CRPPA: variants seen among roughly 807,000 people sequenced by gnomAD.
CRPPA encodes CDP-L-ribitol pyrophosphorylase A.
CRPPA carries 43 observed loss-of-function variants against 52.0 expected under a neutral mutation model. The observed-to-expected ratio is 0.83, with a 90% CI of 0.65 to 1.07. The LOEUF (loss-of-function observed/expected upper bound fraction) is 1.07. CRPPA is among the 50% of genes least tolerant of loss of function. CRPPA has a pLI of 0.00. For missense variants in CRPPA, 629 were observed against 551.7 expected (o/e 1.14, Z -1.40); for synonymous variants, 250 against 203.5 (o/e 1.23, Z -1.94).
chr7:16,360,121 C>T (rs374075760), intron 3 of CRPPA, among the ~76,000 whole-genome samples: 3 of 152,156 alleles, frequency 2.0e-5, no homozygotes, highest in African/African-American at 7.2e-5. Flanking sequence ...AGACATGATT[C>T]CTACGGAACA....
At chr7:16,210,401 G>C (rs1464235104) in intron 9 of CRPPA, 1 of 152,192 alleles carries the variant, frequency 6.6e-6, no homozygotes, top group Non-Finnish European at 1.5e-5. Context: ...GGCGAACCCA[G>C]TACAGCAAAG....
intron 9 of CRPPA, among the ~76,000 whole-genome samples, chr7:16,137,394 T>A (rs560203274): frequency 5.3e-5 from 8 of 152,318 alleles, no homozygotes; most frequent in Non-Finnish European, 1.0e-4. Flanking sequence ...CCGAAAAGAC[T>A]AAGACACCTC....
At chr7:16,180,954 T>C (rs1042290140) in intron 9 of CRPPA, among the ~76,000 whole-genome samples, 1 of 151,956 alleles carries the variant, frequency 6.6e-6, no homozygotes, top group African/African-American at 2.4e-5. Context: ...GAAAATCTGT[T>C]ATGATTGTGT....
chr7:16,222,504 A>T (rs1297022419), intron 8 of CRPPA, among the ~76,000 whole-genome samples: 1 of 152,306 alleles, frequency 6.6e-6, no homozygotes, highest in South Asian at 2.1e-4. Context: ...GCTTACAGTC[A>T]AATACATAAA....
intron 3 of CRPPA, among the ~76,000 whole-genome samples, chr7:16,323,457 T>C (rs188448937): frequency 6.6e-6 from 1 of 152,308 alleles, no homozygotes; most frequent in East Asian, 1.9e-4. Context: ...TGTATGTTTC[T>C]ATTCTTGTAC....
intron 5 of CRPPA, among the ~76,000 whole-genome samples, chr7:16,299,090 G>A (rs550947652): frequency 6.6e-6 from 1 of 152,222 alleles, no homozygotes; most frequent in African/African-American, 2.4e-5. Context: ...ACATCCTACT[G>A]GTTCTGTTTC....
Position 16,301,458 on chromosome 7 carries a change from G to A in CRPPA, c.798C>T (p.Tyr266=). ...EGSPDLWKVT[Y]KRDLYAAESI... ...ATTCAGCCGCATAGAGATCTCGTTT[G>A]TAGGTCACCTAAAGGACAGATAAAC... Residue 266 remains tyrosine (Y), a synonymous_variant, in exon 5 of 10, where the codon TAC becomes TAT. Coordinates refer to ENST00000407010, the MANE Select transcript of CRPPA (RefSeq NM_001101426.4). 1 of 1,612,054 alleles carries A rather than the reference G, an allele frequency of 6.2e-7. No individual in the cohort carries two copies. Among genetic ancestry groups the A allele is most frequent in the Non-Finnish European group, 8.5e-7 (1 of 1,178,638 alleles).
chr7:16,372,538 C>T (rs1463951138), intron 3 of CRPPA, among the ~76,000 whole-genome samples: 1 of 152,182 alleles, frequency 6.6e-6, no homozygotes, highest in East Asian at 1.9e-4. Context: ...ACAAGAAATG[C>T]TAAAATGAGT....
intron 3 of CRPPA, among the ~76,000 whole-genome samples, chr7:16,340,690 A>C (rs1785801864): frequency 6.6e-6 from 1 of 151,960 alleles, no homozygotes; most frequent in Non-Finnish European, 1.5e-5. Flanking sequence ...TTTGGAAGAC[A>C]GTTTTGCAGT....
At chr7:16,344,524 C>T (rs1785956282) in intron 3 of CRPPA, among the ~76,000 whole-genome samples, 1 of 151,264 alleles carries the variant, frequency 6.6e-6, no homozygotes, top group Non-Finnish European at 1.5e-5. Flanking sequence ...TCATGCCAAC[C>T]TGAGCAACAG....
chr7:16,265,868 A>G (rs1331946411), intron 6 of CRPPA, among the ~76,000 whole-genome samples: 2 of 152,210 alleles, frequency 1.3e-5, no homozygotes, highest in African/African-American at 4.8e-5. Context: ...TACAGGCACA[A>G]AAGTTTGCAT....
At chr7:16,187,811 G>A (rs1341557359) in intron 9 of CRPPA, among the ~76,000 whole-genome samples, 2 of 152,014 alleles carry the variant, frequency 1.3e-5, no homozygotes, top group African/African-American at 4.8e-5. Context: ...TGAGATGATG[G>A]GAAGGCAAAT....
chr7:16,236,226 C>T (rs1782946554), intron 8 of CRPPA, among the ~76,000 whole-genome samples: 1 of 151,950 alleles, frequency 6.6e-6, no homozygotes, highest in Admixed American at 6.6e-5. Context: ...ACTATATTCT[C>T]GAAGTGGAAA....
intron 9 of CRPPA, among the ~76,000 whole-genome samples, chr7:16,190,930 T>G (rs1246239796): frequency 1.3e-5 from 2 of 152,128 alleles, no homozygotes; most frequent in Non-Finnish European, 2.9e-5. Context: ...CAGGTTGCCA[T>G]GAATGCCATT....
At chr7:16,369,515 G>A (rs1337368023) in intron 3 of CRPPA, among the ~76,000 whole-genome samples, 2 of 152,250 alleles carry the variant, frequency 1.3e-5, no homozygotes, top group Non-Finnish European at 1.5e-5. Flanking sequence ...CAGGTACTGA[G>A]TATAAAACAG....
chr7:16,304,947 T>C (rs12112957), intron 4 of CRPPA, among the ~76,000 whole-genome samples: 172 of 152,356 alleles, frequency 1.1e-3, no homozygotes, highest in African/African-American at 4.0e-3. Flanking sequence ...GGCCATGCCA[T>C]CTGAGTCCAG....
At chr7:16,243,493 C>T (rs2128407246) in intron 8 of CRPPA, among the ~76,000 whole-genome samples, 1 of 152,094 alleles carries the variant, frequency 6.6e-6, no homozygotes, top group East Asian at 1.9e-4. Context: ...TTGGCAGACT[C>T]CTTAAATCAT....
intron 9 of CRPPA, among the ~76,000 whole-genome samples, chr7:16,170,641 T>C (rs1161840937): frequency 6.6e-6 from 1 of 152,190 alleles, no homozygotes; most frequent in Non-Finnish European, 1.5e-5. Flanking sequence ...TTTTATTACC[T>C]TATCTGTCAC....
intron 3 of CRPPA, among the ~76,000 whole-genome samples, chr7:16,318,906 T>A (rs1052845422): frequency 6.6e-6 from 1 of 152,142 alleles, no homozygotes; most frequent in African/African-American, 2.4e-5. Flanking sequence ...GACTAATAAT[T>A]TACCTTTCAT....
Sources: allele counts gnomAD v4.1 joint callset (sites outside exome capture counted in the v4.1 genomes callset), GRCh38; gene constraint gnomAD v4.1.1; transcripts MANE v1.5; gene names NCBI Gene and HGNC (gene_info 2026-07-23, HGNC 2026-07-21).